Variants in LMF1 observed in about 807,000 individuals in gnomAD.
LMF1 encodes the protein lipase maturation factor 1.
Under a neutral mutation model 60.6 loss-of-function variants are expected in LMF1, and 68 were observed. That is an observed-to-expected ratio of 1.12 (90% CI 0.92 to 1.37). LMF1 has a LOEUF of 1.37. Among genes scored for constraint, LMF1 ranks in the 40% most tolerant of loss-of-function variants. The probability of loss-of-function intolerance (pLI) is 0.00; values close to 1 mark genes in which losing one functional copy is unlikely to be tolerated. For synonymous variants in LMF1, 418 were observed against 324.7 expected (o/e 1.29, Z -3.09); for missense variants, 948 against 767.2 (o/e 1.24, Z -2.78).
intron 1 of LMF1, among the ~76,000 whole-genome samples, chr16:956,844 C>T (rs1177433628): frequency 8.4e-6 from 1 of 119,490 alleles, no homozygotes; most frequent in Non-Finnish European, 1.8e-5. Context: ...AACTCCATCT[C>T]AAAAAAAAAA....
intron 2 of LMF1, chr16:947,323 G>T: frequency 2.7e-6 from 1 of 373,480 alleles, no homozygotes; most frequent in Admixed American, 3.3e-5. Flanking sequence ...GCCAGGGAGG[G>T]CCCCACCCAC....
In LMF1 at chr16:945,635, G is replaced by A. The variant is rs545512165; in HGVS notation, c.503+8722C>T. 3.3e-5 allele frequency among the ~76,000 whole-genome samples: 5 copies of A among 152,256 alleles called. No homozygotes were observed. In the South Asian group the frequency reaches 1.0e-3, roughly 32 times the overall value. The stretch of plus-strand genomic sequence containing the variant: ...GAGATTTAGGTTAAGAACGGAAAGG[G>A]TCACAATCTATTTGGATAACTAGAA... On this transcript the variant is annotated intron_variant, in intron 2 of 10. Coordinates refer to ENST00000262301, the MANE Select transcript of LMF1 (RefSeq NM_022773.4).
In LMF1 at chr16:962,423, G is replaced by A. The variant is rs2072828809; in HGVS notation, c.194-7757C>T. Among the ~76,000 whole-genome samples, 2 of 152,086 alleles carry A rather than the reference G, an allele frequency of 1.3e-5. No individual in the cohort carries two copies. Among genetic ancestry groups the A allele is most frequent in the Admixed American group, 1.3e-4 (2 of 15,276 alleles). On this transcript the variant is annotated intron_variant, in intron 1 of 10. Transcript: ENST00000262301. The surrounding 1 kb of genome is among the most constrained non-coding windows in gnomAD (Gnocchi z 4.5). ...AGGCGGGGGCTGGACCCAGTGAGCG[G>A]CTTCCAGAGGACAGAGCGGGCGGGA...
At position 871,224 on chromosome 16, in the gene LMF1, G is replaced by A. The variant is rs370289388; in HGVS notation, c.1015C>T (p.Leu339=). ...TGCATCTGCAGAACTCGGTCCTTCA[G>A]GCTGCCTGGCCCAGAGGGGAACAAG... ...GFLFPSGPGS[L]KDRVLQMQRD... Residue 339 remains leucine (L), a synonymous_variant, in exon 7 of 11, where the codon CTG becomes TTG. Coordinates refer to ENST00000262301, the MANE Select transcript of LMF1 (RefSeq NM_022773.4). 60 of 1,611,946 alleles carry A rather than the reference G, an allele frequency of 3.7e-5. No homozygotes were observed. The highest frequency in any genetic ancestry group is 5.1e-5 in the Non-Finnish European group (60 of 1,179,590).
intron 10 of LMF1, among the ~76,000 whole-genome samples, chr16:865,687 A>C (rs1259266566): frequency 6.6e-6 from 1 of 152,144 alleles, no homozygotes; most frequent in African/African-American, 2.4e-5. Context: ...CCGTTTTGCC[A>C]AATTTGGGAA....
intron 2 of LMF1, among the ~76,000 whole-genome samples, chr16:951,481 A>G (rs1335073826): frequency 6.6e-6 from 1 of 152,282 alleles, no homozygotes; most frequent in African/African-American, 2.4e-5. Flanking sequence ...CAGGAAGGCC[A>G]GCTCTGAGCA....
At chr16:909,415 C>T (rs2071048943) in intron 4 of LMF1, among the ~76,000 whole-genome samples, 1 of 152,230 alleles carries the variant, frequency 6.6e-6, no homozygotes, top group African/African-American at 2.4e-5. Flanking sequence ...GCACACTAAA[C>T]ACTACACCAA....
intron 10 of LMF1, among the ~76,000 whole-genome samples, chr16:862,944 C>A (rs899215669): frequency 1.3e-5 from 2 of 152,200 alleles, no homozygotes; most frequent in South Asian, 2.1e-4. Flanking sequence ...TTAGAATTCT[C>A]CAGTGAAACC....
intron 5 of LMF1, among the ~76,000 whole-genome samples, chr16:885,303 G>A (rs764923373): frequency 1.3e-5 from 2 of 152,182 alleles, no homozygotes; most frequent in African/African-American, 2.4e-5. Context: ...CCAGAGGAAG[G>A]TGTAAAATAA....
At chr16:919,830 G>A (rs1432342081) in intron 3 of LMF1, among the ~76,000 whole-genome samples, 8 of 152,120 alleles carry the variant, frequency 5.3e-5, no homozygotes, top group Admixed American at 5.2e-4. Context: ...GGGGGTGAGG[G>A]TGAAGCAGCC....
chr16:904,903 A>T (rs1462273780), intron 4 of LMF1: 5 of 85,500 alleles, frequency 5.8e-5, no homozygotes, highest in African/African-American at 4.4e-4. Flanking sequence ...TGACCTCTGC[A>T]TCGCCCACAG....
At chr16:859,199 GAGTGGTGTCTCGGGACGGGTGTGC>G (rs2069336916) in intron 10 of LMF1, among the ~76,000 whole-genome samples, 1 of 111,112 alleles carries the variant, frequency 9.0e-6, no homozygotes, top group Admixed American at 8.4e-5. Flanking sequence ...GGACGGGTGT[GAGTGGTGTCTCGGGACGGGTGTGC>G]AGTGGTGTCA....
chr16:898,423 G>A (rs1386184199), intron 4 of LMF1, among the ~76,000 whole-genome samples: 4 of 152,250 alleles, frequency 2.6e-5, no homozygotes, highest in African/African-American at 9.6e-5. Context: ...TGGGCTTCCG[G>A]GATCTAAGGC....
intron 2 of LMF1, chr16:947,263 T>G (rs1347183467): frequency 1.1e-5 from 4 of 352,346 alleles, no homozygotes; most frequent in African/African-American, 6.4e-5. Flanking sequence ...TGTCTACGCC[T>G]TGTCAAATCC....
intron 4 of LMF1, among the ~76,000 whole-genome samples, chr16:895,008 GC>G (rs1390017101): frequency 2.0e-5 from 3 of 152,136 alleles, no homozygotes; most frequent in African/African-American, 2.4e-5. Flanking sequence ...GGGTGAGGGC[GC>G]CCCCCTCAGG....
chr16:930,812 C>A (rs969104113), intron 3 of LMF1, among the ~76,000 whole-genome samples: 1 of 152,162 alleles, frequency 6.6e-6, no homozygotes, highest in African/African-American at 2.4e-5. Flanking sequence ...GCAGCCTCTG[C>A]AGACTGCTGG....
At chr16:880,192 G>A (rs1044606068) in intron 5 of LMF1, among the ~76,000 whole-genome samples, 7 of 152,272 alleles carry the variant, frequency 4.6e-5, no homozygotes, top group African/African-American at 9.6e-5. Context: ...GGGTGGGGAC[G>A]TGCCGGTTGG....
At chr16:980,191 C>A in intron 1 of LMF1, 1 of 194,000 alleles carries the variant, frequency 5.2e-6, no homozygotes, top group Non-Finnish European at 1.1e-5. Context: ...AGCCTGGAGG[C>A]CAATGCTTCC....
In LMF1 at chr16:897,539, C is replaced by T. The variant is rs564720559; in HGVS notation, c.664-4467G>A. ...TTACTCGCGACAGGTCCTGCCTCCG[C>T]AGGAGAGACTCAAAGGGGAGAGCTT... On this transcript the variant is annotated intron_variant, in intron 4 of 10. Coordinates refer to ENST00000262301, the MANE Select transcript of LMF1 (RefSeq NM_022773.4). The surrounding 1 kb of genome is among the most constrained non-coding windows in gnomAD (Gnocchi z 4.3). Among the ~76,000 whole-genome samples, 2 of 152,358 alleles carry T rather than the reference C, an allele frequency of 1.3e-5. No homozygotes were observed. Among genetic ancestry groups the T allele is most frequent in the East Asian group, 3.9e-4 (2 of 5,182 alleles).
Sources: gnomAD v4.1 joint callset for allele counts (sites outside exome capture counted in the v4.1 genomes callset) on GRCh38, gnomAD v4.1.1 for gene constraint, Gnocchi (gnomAD v3.1) non-coding constraint, MANE v1.5 for transcripts, NCBI Gene and HGNC (gene_info 2026-07-23, HGNC 2026-07-21) for gene names.